Variants in CDH7 observed in about 807,000 individuals in gnomAD.
CDH7 encodes cadherin 7, also known as cadherin-7.
Under a neutral mutation model 71.8 loss-of-function variants are expected in CDH7, and 25 were observed. The ratio of observed to expected loss-of-function variants is 0.35; its 90% CI spans 0.25 to 0.49. CDH7 has a LOEUF of 0.49. Among genes scored for constraint, CDH7 ranks in the 20% least tolerant of loss-of-function variants. CDH7 has a pLI of 0.99. For synonymous variants in CDH7, 381 were observed against 363.8 expected, an observed-to-expected ratio of 1.05 and a Z score of -0.54; for missense variants, 862 against 974.6, an observed-to-expected ratio of 0.88 and a Z score of 1.54.
chr18:65,782,434 A>T lies in CDH7; in HGVS notation c.210+19382A>T, dbSNP rs540490924. ...CGGCCTCCCAAAGTGCTGGGATTACAGGCATGAGGCACCTCACTCAGCCGG... is the reference window on the plus strand; with the variant it reads ...CGGCCTCCCAAAGTGCTGGGATTACTGGCATGAGGCACCTCACTCAGCCGG... On this transcript the variant is annotated intron_variant, in intron 2 of 11. Transcript: ENST00000397968. Among the ~76,000 whole-genome samples the T allele has an allele frequency of 7.2e-5, 11 of 152,238 alleles. No homozygotes were observed. In the South Asian group the frequency reaches 1.9e-3, roughly 26 times the overall value.
At chr18:65,830,725 C>CT (rs1555687110) in intron 6 of CDH7, among the ~76,000 whole-genome samples, 1 of 130,654 alleles carries the variant, frequency 7.7e-6, no homozygotes, top group Non-Finnish European at 1.6e-5. Context: ...TTCTCTCTCT[C>CT]TCTTTCTTTC....
intron 11 of CDH7, chr18:65,863,656 A>T (rs1568227649): frequency 6.6e-6 from 1 of 152,220 alleles, no homozygotes; most frequent in Non-Finnish European, 1.5e-5. Flanking sequence ...TTGCTTTCTT[A>T]AATTATTTGC....
intron 5 of CDH7, among the ~76,000 whole-genome samples, chr18:65,824,228 T>C (rs1217990735): frequency 1.3e-5 from 2 of 151,844 alleles, no homozygotes; most frequent in Non-Finnish European, 2.9e-5. Context: ...TTTAGGCTTG[T>C]ATTTGTCCAT....
At chr18:65,787,229 C>T (rs1256617946) in intron 2 of CDH7, among the ~76,000 whole-genome samples, 3 of 152,032 alleles carry the variant, frequency 2.0e-5, no homozygotes, top group Admixed American at 1.3e-4. Flanking sequence ...AACATTTCAT[C>T]GTTTTAAATG....
At chr18:65,831,523 T>A (rs1912348846) in intron 6 of CDH7, among the ~76,000 whole-genome samples, 1 of 152,226 alleles carries the variant, frequency 6.6e-6, no homozygotes, top group Admixed American at 6.5e-5. Flanking sequence ...AGTCTTGTTC[T>A]TAAGATTTCC....
At chr18:65,839,681 T>C (rs1912658786) in intron 6 of CDH7, among the ~76,000 whole-genome samples, 1 of 152,194 alleles carries the variant, frequency 6.6e-6, no homozygotes, top group Non-Finnish European at 1.5e-5. Context: ...ATGGAAATGC[T>C]TATTAAGAAG....
At position 65,859,949 on chromosome 18, in the gene CDH7, G is replaced by C; in HGVS notation, c.1612+124G>C. ...GCAAGGACAATAATTAAAGGGCAAT[G>C]AGCACCTCAAGTAATTTTTATCTAT... On this transcript the variant is annotated intron_variant, in intron 10 of 11. Coordinates refer to ENST00000397968, the MANE Select transcript of CDH7 (RefSeq NM_004361.5). 5.0e-6 allele frequency: 3 copies of C among 602,656 alleles called. No homozygotes were observed. In the Admixed American group the frequency reaches 7.9e-5, roughly 16 times the overall value. The allele number at this position is 602,656 out of a possible 1,614,324, so 37.3% of individuals were successfully genotyped here. A position where few individuals can be genotyped will look rare whatever the true frequency, so the allele number is the denominator to read the frequency against.
intron 2 of CDH7, among the ~76,000 whole-genome samples, chr18:65,794,245 A>G (rs1910824926): frequency 6.6e-6 from 1 of 152,006 alleles, no homozygotes; most frequent in Admixed American, 6.5e-5. Flanking sequence ...CATTGAACAT[A>G]TTGAATACTA....
intron 7 of CDH7, among the ~76,000 whole-genome samples, chr18:65,851,672 A>G (rs1913155352): frequency 6.6e-6 from 1 of 152,220 alleles, no homozygotes; most frequent in Non-Finnish European, 1.5e-5. Context: ...ATGTAGCTGT[A>G]GAAGAGATCT....
intron 11 of CDH7, among the ~76,000 whole-genome samples, chr18:65,879,347 T>C (rs1599070797): frequency 6.6e-6 from 1 of 152,222 alleles, no homozygotes; most frequent in South Asian, 2.1e-4. Flanking sequence ...ATGTACGTTA[T>C]GGGCTATTCA....
chr18:65,788,198 A>C, intron 2 of CDH7, among the ~76,000 whole-genome samples: 1 of 152,226 alleles, frequency 6.6e-6, no homozygotes, highest in East Asian at 1.9e-4. Context: ...GGTTGCTTGC[A>C]AAGCATGGGC....
At chr18:65,789,593 G>A (rs1157328807) in intron 2 of CDH7, among the ~76,000 whole-genome samples, 1 of 152,096 alleles carries the variant, frequency 6.6e-6, no homozygotes, top group African/African-American at 2.4e-5. Context: ...GGTAAGACAG[G>A]AGACAGAAAA....
intron 3 of CDH7, among the ~76,000 whole-genome samples, chr18:65,810,836 A>G (rs1444347975): frequency 6.6e-6 from 1 of 152,180 alleles, no homozygotes; most frequent in African/African-American, 2.4e-5. Flanking sequence ...AACGGTAAGG[A>G]GTTACCCATT....
intron 2 of CDH7, among the ~76,000 whole-genome samples, chr18:65,774,432 T>G (rs1321497139): frequency 2.6e-5 from 4 of 152,104 alleles, no homozygotes; most frequent in African/African-American, 9.7e-5. Flanking sequence ...TTGCTTTTGC[T>G]TACCCTTCCC....
chr18:65,854,410 T>TA (rs1176802385), intron 7 of CDH7, among the ~76,000 whole-genome samples: 1 of 152,220 alleles, frequency 6.6e-6, no homozygotes, highest in Non-Finnish European at 1.5e-5. Context: ...TCAAAACAGA[T>TA]AGAGTCCTAG....
chr18:65,837,543 G>A (rs1288529694), intron 6 of CDH7, among the ~76,000 whole-genome samples: 1 of 152,152 alleles, frequency 6.6e-6, no homozygotes, highest in African/African-American at 2.4e-5. Context: ...TGGCTTTGGG[G>A]CCCTTGAGGA....
chr18:65,809,159 T>C (rs891986300), intron 2 of CDH7, among the ~76,000 whole-genome samples: 2 of 152,138 alleles, frequency 1.3e-5, no homozygotes, highest in African/African-American at 4.8e-5. Flanking sequence ...GAACAGGACT[T>C]GGAGACAGAT....
chr18:65,887,854 G>C lies in CDH7; in HGVS notation c.*6960G>C, dbSNP rs1011795899. ...TTAGAGGAACGAACAATTCACATTAGTAAAACACACAGCATTACTTTCAAT... is the reference window on the plus strand; with the variant it reads ...TTAGAGGAACGAACAATTCACATTACTAAAACACACAGCATTACTTTCAAT... On this transcript the variant is annotated 3_prime_UTR_variant, in exon 12 of 12. Transcript: ENST00000397968. 2 of 151,982 alleles carry C rather than the reference G, an allele frequency of 1.3e-5. No homozygotes were observed. The highest frequency in any genetic ancestry group is 2.9e-5 in the Non-Finnish European group (2 of 68,002). The allele number at this position is 151,982 out of a possible 1,614,324, so 9.4% of individuals were successfully genotyped here.
rs761426205 is a variant in CDH7 at position 65,862,745 on chromosome 18, T to G, written c.1692T>G (p.Ile564Met). The part of the protein sequence containing the change: ...EQSVYYLPIF[I>M]VDSGSPSLSS... Reference sequence around the variant, plus strand: ...CAGTTTACTATCTGCCAATTTTCATTGTGGACAGTGGATCTCCCTCACTTA... The same window carrying G: ...CAGTTTACTATCTGCCAATTTTCATGGTGGACAGTGGATCTCCCTCACTTA... The change falls in exon 11 of 12, where the codon ATT becomes ATG. Residue 564 changes from isoleucine to methionine, a missense_variant. Coordinates refer to ENST00000397968, the MANE Select transcript of CDH7 (RefSeq NM_004361.5). 1.2e-6 allele frequency: 2 copies of G among 1,614,120 alleles called. No homozygotes were observed. Among genetic ancestry groups the G allele is most frequent in the Admixed American group, 3.3e-5 (2 of 60,024 alleles).
Sources: gnomAD v4.1 joint callset for allele counts (sites outside exome capture counted in the v4.1 genomes callset) on GRCh38, gnomAD v4.1.1 for gene constraint, MANE v1.5 for transcripts, NCBI Gene and HGNC (gene_info 2026-07-23, HGNC 2026-07-21) for gene names.